Variants in PTPN23 observed in about 807,000 individuals in gnomAD.
PTPN23 encodes tyrosine-protein phosphatase non-receptor type 23.
A neutral mutation model predicts 156.3 loss-of-function variants in PTPN23; 72 were observed. The ratio of observed to expected loss-of-function variants is 0.46; its 90% CI spans 0.38 to 0.56. The LOEUF (loss-of-function observed/expected upper bound fraction) is 0.56. Ranked by LOEUF, PTPN23 falls within the 20% of genes least tolerant of loss-of-function variation. The pLI is 0.00. For synonymous variants in PTPN23, 957 were observed against 899.6 expected, an observed-to-expected ratio of 1.06 and a Z score of -1.14; for missense variants, 1,974 against 2,171.5, an observed-to-expected ratio of 0.91 and a Z score of 1.81.
intron 17 of PTPN23, 25 bp from the exon 18 acceptor site, chr3:47,409,392 T>G: frequency 6.2e-7 from 1 of 1,613,814 alleles, no homozygotes; most frequent in Non-Finnish European, 8.5e-7. Context: ...TGAGTGTCCG[T>G]CCCTGGCCCC....
At chr3:47,402,276 TTTA>T (rs1013391683) in intron 2 of PTPN23, among the ~76,000 whole-genome samples, 6 of 151,832 alleles carry the variant, frequency 4.0e-5, no homozygotes, top group East Asian at 1.9e-4. Flanking sequence ...TATCTATTTA[TTTA>T]TTATTATTAT....
Position 47,409,072 on chromosome 3 carries a change from C to G in PTPN23, c.1627C>G (p.Pro543Ala). The G allele has an allele frequency of 6.2e-7, 1 of 1,611,880 alleles. No homozygotes were observed. Among genetic ancestry groups the G allele is most frequent in the Non-Finnish European group, 8.5e-7 (1 of 1,178,706 alleles). Residue 543 changes from proline (P) to alanine (A), a missense_variant, in exon 16 of 25, where the codon CCG becomes GCG. Physicochemically the swap from Pro to Ala is conservative, Grantham distance 27. Transcript: ENST00000265562. ...LDQVRAALPT[P>A]ALSPEDKAVL... ...CCAGGTCCGGGCTGCCCTGCCCACA[C>G]CGGCCCTCTCCCCAGGTGAGCCCCA...
chr3:47,390,845 T>C lies in PTPN23; in HGVS notation c.85-5298T>C, dbSNP rs946998776. On this transcript the variant is annotated intron_variant, in intron 1 of 24. Coordinates refer to ENST00000265562, the MANE Select transcript of PTPN23 (RefSeq NM_015466.4). ...TTTTCAGAGTTGTTTGTAAGAACCA[T>C]ATTTTTAAAAAATAGAAATGCTCTG... Among the ~76,000 whole-genome samples, 13 of 152,320 alleles carry C rather than the reference T, an allele frequency of 8.5e-5. No individual in the cohort carries two copies. The South Asian group carries it at 1.2e-3, about 15-fold the overall frequency.
In PTPN23 at chr3:47,404,720, T is replaced by G; in HGVS notation, c.228T>G (p.His76Gln). The change falls in exon 3 of 25, where the codon CAT becomes CAG. Residue 76 changes from histidine to glutamine, a missense_variant. Physicochemically the swap from His to Gln is conservative, Grantham distance 24 (BLOSUM62 0). Coordinates refer to ENST00000265562, the MANE Select transcript of PTPN23 (RefSeq NM_015466.4). The part of the protein sequence containing the change: ...SVLRKYLGQL[H>Q]YLQSRVPMGS... The stretch of plus-strand genomic sequence containing the variant: ...TCCGCAAGTACCTCGGCCAGCTTCA[T>G]TACCTGCAGAGTCGGGTCCCCATGG... The G allele has an allele frequency of 6.2e-7, 1 of 1,614,032 alleles. No homozygotes were observed. Among genetic ancestry groups the G allele is most frequent in the Middle Eastern group, 1.6e-4 (1 of 6,062 alleles).
rs1705355255 is a variant in PTPN23, at chr3:47,412,831, C to T, written c.4557C>T (p.Ser1519=). ...GGGGGTTGGAGTCCCCGGTTGCCAG[C>T]TTGCCAGGCCCTGCAGAGCCCCCAG... is the stretch of plus-strand genomic sequence containing the variant. ...PPGGLESPVA[S]LPGPAEPPGL... is the part of the protein sequence containing the mutation. The change falls in exon 25 of 25, where the codon AGC becomes AGT. Residue 1519 remains serine (S), a synonymous_variant. Transcript: ENST00000265562. 3 of 1,613,472 alleles carry T rather than the reference C, an allele frequency of 1.9e-6. No homozygotes were observed. The highest frequency in any genetic ancestry group is 1.7e-6 in the Non-Finnish European group (2 of 1,179,906).
intron 2 of PTPN23, among the ~76,000 whole-genome samples, chr3:47,401,886 TG>T (rs1398171985): frequency 6.6e-6 from 1 of 152,126 alleles, no homozygotes; most frequent in Non-Finnish European, 1.5e-5. Flanking sequence ...AGAGTACAAC[TG>T]GTGCCTGACT....
intron 1 of PTPN23, 30 bp from the exon 2 acceptor site, chr3:47,396,113 C>G: frequency 6.3e-7 from 1 of 1,590,796 alleles, no homozygotes; most frequent in South Asian, 1.1e-5. Context: ...GTCTTCTCTG[C>G]CACTGGCTTA....
In PTPN23 at chr3:47,407,855, G is replaced by A. The variant is rs754542281; in HGVS notation, c.1119-35G>A. The A allele has an allele frequency of 7.4e-6, 12 of 1,614,060 alleles. No individual in the cohort carries two copies. Among genetic ancestry groups the A allele is most frequent in the Non-Finnish European group, 1.0e-5 (12 of 1,180,036 alleles). ...AGAGGGAGGTGGGGTGTCTTGAGAT[G>A]TGGGTCTTCAGCAAATGCTCTGTCG... is the stretch of plus-strand genomic sequence containing the variant. On this transcript the variant is annotated intron_variant, in intron 13 of 24. Coordinates refer to ENST00000265562, the MANE Select transcript of PTPN23 (RefSeq NM_015466.4). This position sits in a 1 kb window ranked among gnomAD's most constrained non-coding sequence, Gnocchi z 4.0.
rs201101203 is a variant in PTPN23 at position 47,409,493 on chromosome 3, G to A, written c.1874G>A (p.Arg625His). ...YLEQNLAAQD[R>H]VLCALTEANV... Reference sequence around the variant, plus strand: ...GAGCAGAACCTGGCCGCCCAGGACCGTGTCCTCTGTGCACTGACAGAGGCC... The same window carrying A: ...GAGCAGAACCTGGCCGCCCAGGACCATGTCCTCTGTGCACTGACAGAGGCC... Residue 625 changes from arginine to histidine, a missense_variant, in exon 18 of 25, where the codon CGT (arginine) becomes CAT (histidine). Physicochemically the swap from Arg to His is conservative, Grantham distance 29. Around this residue, in one of 4 missense-constraint regions of PTPN23, gnomAD observed 726 missense variants for 929.5 expected, o/e 0.78. Transcript: ENST00000265562. The A allele has an allele frequency of 1.1e-5, 18 of 1,614,120 alleles. No individual in the cohort carries two copies. Among genetic ancestry groups the A allele is most frequent in the African/African-American group, 9.3e-5 (7 of 75,060 alleles).
rs1705109010 is a variant in PTPN23 at position 47,405,862 on chromosome 3, G to C, written c.415-53G>C. 6.2e-7 allele frequency: 1 copy of C among 1,600,876 alleles called. No homozygotes were observed. The highest frequency in any genetic ancestry group is 8.5e-7 in the Non-Finnish European group (1 of 1,172,396). ...AGGGAGGGGCAGCCTCCCAAGTATG[G>C]ATGAATCCTGACCCATGGAGTGGAC... On this transcript the variant is annotated intron_variant, in intron 5 of 24. Coordinates refer to ENST00000265562, the MANE Select transcript of PTPN23 (RefSeq NM_015466.4). The surrounding 1 kb of genome is among the most constrained non-coding windows in gnomAD (Gnocchi z 4.7).
Position 47,412,312 on chromosome 3 carries a change from C to T in PTPN23, c.4208C>T (p.Ala1403Val). 1 of 1,613,446 alleles carries T rather than the reference C, an allele frequency of 6.2e-7. No homozygotes were observed. The highest frequency in any genetic ancestry group is 8.5e-7 in the Non-Finnish European group (1 of 1,180,016). Residue 1403 changes from alanine (A) to valine (V), a missense_variant, in exon 23 of 25, where the codon GCA becomes GTA. Ala to Val is a moderately conservative substitution (Grantham distance 64). This residue lies in a region of PTPN23 where 484 missense variants were observed against 516.0 expected (regional missense o/e 0.94). Transcript: ENST00000265562. ...SSGVGRTGAF[A>V]LLYAAVQEVE... ...GGTGTGGGCCGCACGGGAGCCTTTG[C>T]ACTGCTCTATGCAGCTGTGCAGGAG... is the stretch of plus-strand genomic sequence containing the variant.
At position 47,405,948 on chromosome 3, in the gene PTPN23, G is replaced by T. The variant is rs769189775; in HGVS notation, c.448G>T (p.Ala150Ser). ...GGTCTCCTGTACCCATTTCCAGTGC[G>T]CAGCCGGCGCCTTCGCCTACCTACG... ...MKVSCTHFQC[A>S]AGAFAYLREH... Residue 150 changes from alanine (A) to serine (S), a missense_variant, in exon 6 of 25, where the codon GCA (alanine) becomes TCA (serine). Physicochemically the swap from Ala to Ser is moderately conservative, Grantham distance 99. This residue lies in a region of PTPN23 where 726 missense variants were observed against 929.5 expected (regional missense o/e 0.78). Coordinates refer to ENST00000265562, the MANE Select transcript of PTPN23 (RefSeq NM_015466.4). The surrounding 1 kb of genome is among the most constrained non-coding windows in gnomAD (Gnocchi z 4.7). 3.7e-6 allele frequency: 6 copies of T among 1,613,834 alleles called. No individual in the cohort carries two copies. The highest frequency in any genetic ancestry group is 1.3e-5 in the African/African-American group (1 of 74,938).
intron 1 of PTPN23, among the ~76,000 whole-genome samples, chr3:47,383,212 C>CT (rs1377029911): frequency 3.3e-5 from 5 of 152,212 alleles, no homozygotes; most frequent in Non-Finnish European, 4.4e-5. Context: ...TTACCATACT[C>CT]TGTTTCCTCT....
intron 1 of PTPN23, among the ~76,000 whole-genome samples, chr3:47,381,514 A>G (rs1297939665): frequency 6.6e-6 from 1 of 152,118 alleles, no homozygotes; most frequent in African/African-American, 2.4e-5. Context: ...CCTCCATGCC[A>G]GGACCGCCCC....
chr3:47,402,218 TAAAC>T (rs1417921230), intron 2 of PTPN23, among the ~76,000 whole-genome samples: 1 of 152,238 alleles, frequency 6.6e-6, no homozygotes. Flanking sequence ...TATAAATACA[TAAAC>T]AATATGAAGA....
chr3:47,394,582 T>C (rs1286782613), intron 1 of PTPN23, among the ~76,000 whole-genome samples: 1 of 152,072 alleles, frequency 6.6e-6, no homozygotes, highest in Admixed American at 6.6e-5. Context: ...GAAGTGATCC[T>C]CCCACCTTGG....
rs1222031507 is a variant in PTPN23 at position 47,406,356 on chromosome 3, C to T, written c.578C>T (p.Ser193Leu). Residue 193 changes from serine to leucine, a missense_variant, in exon 7 of 25, where the codon TCG (serine) becomes TTG (leucine). Transcript: ENST00000265562. The surrounding 1 kb of genome is among the most constrained non-coding windows in gnomAD (Gnocchi z 5.8). ...GQAQECLLEK[S>L]MLDNRKSFLV... ...GCTCAGGAGTGCCTCCTGGAGAAGT[C>T]GATGTTGGACAACAGGAAGAGCTTT... 3.7e-6 allele frequency: 6 copies of T among 1,613,630 alleles called. 1 individual carries two copies. In the South Asian group the frequency reaches 5.5e-5, roughly 15 times the overall value.
Position 47,410,361 on chromosome 3 carries a change from C to G in PTPN23, c.2563C>G (p.Pro855Ala). 1 of 1,610,110 alleles carries G rather than the reference C, an allele frequency of 6.2e-7. No homozygotes were observed. Among genetic ancestry groups the G allele is most frequent in the East Asian group, 2.2e-5 (1 of 44,726 alleles). Reference protein sequence around the residue: ...SSPYVGVGPAPPVAGLPSAPP... With the variant: ...SSPYVGVGPAAPVAGLPSAPP... ...TCCCTATGTGGGGGTAGGGCCGGCC[C>G]CACCAGTTGCAGGTCTCCCCTCGGC... is the stretch of plus-strand genomic sequence containing the variant. Residue 855 changes from proline to alanine, a missense_variant, in exon 20 of 25, where the codon CCA becomes GCA. Physicochemically the swap from Pro to Ala is conservative, Grantham distance 27. This residue lies in a region of PTPN23 where 731 missense variants were observed against 669.1 expected (regional missense o/e 1.09). Transcript: ENST00000265562.
Position 47,411,985 on chromosome 3 carries a change from G to T in PTPN23, c.4073+18G>T, listed in dbSNP as rs773234709. ...CCTGAGTTGTGAGTCCACTGCTCTG[G>T]ATGGTGGTTGGGGGTCTAAGTGCTG... On this transcript the variant is annotated intron_variant, in intron 21 of 24. Transcript: ENST00000265562. The surrounding 1 kb of genome is among the most constrained non-coding windows in gnomAD (Gnocchi z 6.3). 6.2e-7 allele frequency: 1 copy of T among 1,608,008 alleles called. No individual in the cohort carries two copies. Among genetic ancestry groups the T allele is most frequent in the South Asian group, 1.1e-5 (1 of 90,288 alleles).
Sources: gnomAD v4.1 joint callset for allele counts (sites outside exome capture counted in the v4.1 genomes callset) on GRCh38, gnomAD v4.1.1 for gene constraint, gnomAD v4.1.1 regional missense constraint, Gnocchi (gnomAD v3.1) non-coding constraint, MANE v1.5 for transcripts, NCBI Gene and HGNC (gene_info 2026-07-23, HGNC 2026-07-21) for gene names.